The following STPG2 variants were observed in gnomAD, a reference collection of about 807,000 sequenced individuals.
STPG2 encodes sperm-tail PG-rich repeat-containing protein 2.
In STPG2, 56 loss-of-function variants were observed where a neutral mutation model predicts 54.2. That is an observed-to-expected ratio of 1.03 (90% CI 0.83 to 1.29). STPG2 has a LOEUF of 1.29. Ranked by LOEUF, STPG2 falls within the 50% of genes most tolerant of loss-of-function variation. The pLI, the probability that STPG2 is intolerant of heterozygous loss-of-function variation, is 0.00. For synonymous variants in STPG2, 200 were observed against 181.8 expected (o/e 1.10, Z -0.81); for missense variants, 596 against 544.9 (o/e 1.09, Z -0.93).
intron 4 of STPG2, among the ~76,000 whole-genome samples, chr4:97,515,391 A>C (rs1388157688): frequency 6.6e-6 from 1 of 152,114 alleles, no homozygotes; most frequent in Non-Finnish European, 1.5e-5. Flanking sequence ...CTCATTGTAA[A>C]GACCACATAT....
chr4:97,485,462 C>T (rs1730330309), intron 4 of STPG2, among the ~76,000 whole-genome samples: 1 of 151,394 alleles, frequency 6.6e-6, no homozygotes, highest in Admixed American at 6.6e-5. Context: ...TTTACAATAG[C>T]TGCAAAAAAC....
intron 5 of STPG2, among the ~76,000 whole-genome samples, chr4:98,049,322 A>T (rs1331964080): frequency 6.6e-6 from 1 of 152,158 alleles, no homozygotes; most frequent in African/African-American, 2.4e-5. Context: ...GAATTACTTA[A>T]CCTGCATGAG....
chr4:98,040,115 A>AT (rs1474827279), intron 5 of STPG2, among the ~76,000 whole-genome samples: 1 of 151,830 alleles, frequency 6.6e-6, no homozygotes, highest in African/African-American at 2.4e-5. Context: ...GGCCACTTGT[A>AT]TATCTTCTTT....
At chr4:98,032,482 A>G (rs1736628280) in intron 5 of STPG2, among the ~76,000 whole-genome samples, 1 of 152,196 alleles carries the variant, frequency 6.6e-6, no homozygotes, top group South Asian at 2.1e-4. Context: ...AGACTCCCAC[A>G]CAATAATAGT....
At chr4:97,860,393 A>G (rs1226548246) in intron 8 of STPG2, among the ~76,000 whole-genome samples, 1 of 151,942 alleles carries the variant, frequency 6.6e-6, no homozygotes, top group South Asian at 2.1e-4. Flanking sequence ...TGTGTCATCT[A>G]TGATTTTATT....
At chr4:97,840,050 G>C (rs1442935862) in intron 9 of STPG2, among the ~76,000 whole-genome samples, 1 of 151,224 alleles carries the variant, frequency 6.6e-6, no homozygotes, top group East Asian at 1.9e-4. Context: ...TACTGCTTTA[G>C]AACAAGAATG....
intron 5 of STPG2, among the ~76,000 whole-genome samples, chr4:98,092,266 A>G (rs998731010): frequency 6.6e-6 from 1 of 152,082 alleles, no homozygotes; most frequent in Non-Finnish European, 1.5e-5. Context: ...TAAAAATTGA[A>G]AAACTTTCCT....
Position 98,037,606 on chromosome 4 carries a change from G to A in STPG2, c.613-56288C>T, listed in dbSNP as rs1008158075. ...GATGTAATGAAAGGAAAAAAAGAAAGGGAAAGAGGAAAGGAGTAAGGGAGT... is the reference window on the plus strand; with the variant it reads ...GATGTAATGAAAGGAAAAAAAGAAAAGGAAAGAGGAAAGGAGTAAGGGAGT... On this transcript the variant is annotated intron_variant, in intron 5 of 10. Transcript: ENST00000295268. Among the ~76,000 whole-genome samples the A allele has an allele frequency of 5.9e-5, 9 of 151,740 alleles. No individual in the cohort carries two copies. In the East Asian group the frequency reaches 1.7e-3, roughly 29 times the overall value.
At chr4:98,126,526 T>C (rs1339227989) in intron 3 of STPG2, among the ~76,000 whole-genome samples, 1 of 152,172 alleles carries the variant, frequency 6.6e-6, no homozygotes, top group Non-Finnish European at 1.5e-5. Flanking sequence ...AGCTCCCAGG[T>C]GGGCCATCAT....
intron 4 of STPG2, among the ~76,000 whole-genome samples, chr4:97,509,201 G>GTCCTTTGCA (rs1322808894): frequency 2.0e-5 from 3 of 151,740 alleles, no homozygotes; most frequent in Admixed American, 2.0e-4. Flanking sequence ...ACAGTCTGTA[G>GTCCTTTGCA]CTCCTTCCCA....
intron 10 of STPG2, among the ~76,000 whole-genome samples, chr4:97,702,195 T>C (rs954987172): frequency 1.3e-5 from 2 of 152,170 alleles, no homozygotes; most frequent in African/African-American, 4.8e-5. Context: ...TTTTAATCCA[T>C]ATTTCAGCTA....
chr4:98,076,991 A>G (rs1043673912), intron 5 of STPG2, among the ~76,000 whole-genome samples: 3 of 151,974 alleles, frequency 2.0e-5, no homozygotes, highest in Admixed American at 6.5e-5. Context: ...CCCTACAATC[A>G]TGGTTCTCAA....
rs570463262 is a variant in STPG2 at position 97,505,310 on chromosome 4, C to T, written c.462+207389G>A. The stretch of plus-strand genomic sequence containing the variant: ...AGTACCCTCAGGTGATGTTTGCTTA[C>T]TATTGTCCCAATAATGAACAACTTC... On this transcript the variant is annotated intron_variant, in intron 4 of 4. Transcript: ENST00000522676. 2.5e-3 allele frequency among the ~76,000 whole-genome samples: 381 copies of T among 152,076 alleles called. 1 individual carries two copies. Among genetic ancestry groups the T allele is most frequent in the Non-Finnish European group, 4.3e-3 (290 of 67,930 alleles).
intron 5 of STPG2, among the ~76,000 whole-genome samples, chr4:98,043,622 A>T (rs1737031860): frequency 6.6e-6 from 1 of 151,838 alleles, no homozygotes; most frequent in Non-Finnish European, 1.5e-5. Context: ...TATGCTATTG[A>T]TGTAAAATTT....
intron 10 of STPG2, among the ~76,000 whole-genome samples, chr4:97,699,505 T>C (rs1369449697): frequency 6.6e-6 from 1 of 152,192 alleles, no homozygotes; most frequent in Admixed American, 6.5e-5. Context: ...TTCTTCCAAG[T>C]CCCTGACCAT....
At chr4:97,496,185 G>GC (rs552580819) in intron 4 of STPG2, among the ~76,000 whole-genome samples, 7 of 151,250 alleles carry the variant, frequency 4.6e-5, no homozygotes, top group Middle Eastern at 3.2e-3. Flanking sequence ...CTATTTATAT[G>GC]CCCCCCCAAA....
intron 8 of STPG2, among the ~76,000 whole-genome samples, chr4:97,884,368 T>C (rs1171868002): frequency 6.6e-6 from 1 of 152,284 alleles, no homozygotes; most frequent in African/African-American, 2.4e-5. Flanking sequence ...TAAGTTAAAA[T>C]GGTGTTGTAA....
intron 9 of STPG2, among the ~76,000 whole-genome samples, chr4:97,823,244 G>T (rs749544112): frequency 6.6e-6 from 1 of 152,182 alleles, no homozygotes; most frequent in Non-Finnish European, 1.5e-5. Flanking sequence ...AGAAGTCAAC[G>T]CCTGGCTTCA....
Position 97,624,314 on chromosome 4 carries a change from T to C in STPG2, c.1321-65197A>G, listed in dbSNP as rs185290319. Among the ~76,000 whole-genome samples, 3 of 152,336 alleles carry C rather than the reference T, an allele frequency of 2.0e-5. No individual in the cohort carries two copies. The East Asian group carries it at 5.8e-4, about 29-fold the overall frequency. On this transcript the variant is annotated intron_variant, in intron 10 of 10. Coordinates refer to ENST00000295268, the MANE Select transcript of STPG2 (RefSeq NM_174952.3). ...TTGGCAGTATCTGTTGTTTCCTGACTTTTTAATAATTGCCATTCTGATCTC... is the reference window on the plus strand; with the variant it reads ...TTGGCAGTATCTGTTGTTTCCTGACCTTTTAATAATTGCCATTCTGATCTC...
Sources: allele counts gnomAD v4.1 joint callset (sites outside exome capture counted in the v4.1 genomes callset), GRCh38; gene constraint gnomAD v4.1.1; transcripts MANE v1.5; gene names NCBI Gene and HGNC (gene_info 2026-07-23, HGNC 2026-07-21).